Variants in FRMPD4 observed in about 807,000 individuals in gnomAD.
FRMPD4 encodes the protein FERM and PDZ domain containing 4, also known as FERM and PDZ domain-containing protein 4.
In FRMPD4, 22 loss-of-function variants were observed where a neutral mutation model predicts 94.1. The observed-to-expected ratio is 0.23, with a 90% CI of 0.17 to 0.33. FRMPD4 has a LOEUF of 0.33. Ranked by LOEUF, FRMPD4 falls within the 10% of genes least tolerant of loss-of-function variation. FRMPD4 has a pLI of 1.00. For missense variants in FRMPD4, 1,111 were observed against 1,339.9 expected (o/e 0.83, Z 2.67); for synonymous variants, 631 against 548.6 (o/e 1.15, Z -2.10).
chrX:12,660,476 G>A (rs768302642), intron 4 of FRMPD4, among the ~76,000 whole-genome samples: 36 of 111,751 alleles, frequency 3.2e-4, no homozygotes, highest in Middle Eastern at 9.2e-3. Flanking sequence ...TTCAACATAC[G>A]TTTGTATAAG....
chrX:12,062,181 A>G (rs1439927626), intron 3 of FRMPD4, among the ~76,000 whole-genome samples: 1 of 111,960 alleles, frequency 8.9e-6, no homozygotes, highest in East Asian at 2.8e-4. Context: ...ATGCTCATGG[A>G]CTAAACTTTT....
intron 1 of FRMPD4, chrX:12,495,022 G>A (rs757710573): frequency 5.2e-5 from 38 of 731,157 alleles, no homozygotes; most frequent in South Asian, 1.4e-4. Flanking sequence ...GCCTGAGCCC[G>A]GTGGAAATGG....
intron 3 of FRMPD4, among the ~76,000 whole-genome samples, chrX:11,994,732 T>C (rs910210947): frequency 1.8e-5 from 2 of 112,063 alleles, no homozygotes; most frequent in African/African-American, 6.5e-5. Flanking sequence ...TCTAAAATAC[T>C]ATTTCTATCA....
At chrX:12,027,022 G>T (rs1276845447) in intron 3 of FRMPD4, among the ~76,000 whole-genome samples, 1 of 111,773 alleles carries the variant, frequency 8.9e-6, no homozygotes. Flanking sequence ...CTTCATAACT[G>T]GTGATTTTCC....
intron 9 of FRMPD4, among the ~76,000 whole-genome samples, chrX:12,700,596 A>G (rs1430363503): frequency 8.9e-6 from 1 of 112,384 alleles, no homozygotes; most frequent in Non-Finnish European, 1.9e-5. Flanking sequence ...CTACAGATGA[A>G]CAAACTAAGG....
chrX:12,076,406 G>C (rs891871108), intron 3 of FRMPD4, among the ~76,000 whole-genome samples: 3 of 108,605 alleles, frequency 2.8e-5, no homozygotes, highest in Admixed American at 1.0e-4. Flanking sequence ...AGCATATCCT[G>C]ACCTGTTGCC....
intron 3 of FRMPD4, among the ~76,000 whole-genome samples, chrX:12,127,328 C>T (rs995153133): frequency 4.5e-5 from 5 of 111,484 alleles, no homozygotes; most frequent in African/African-American, 1.6e-4. Flanking sequence ...CCTCAGAAAA[C>T]TTATAATCAT....
At chrX:12,355,342 C>A (rs938383951) in intron 1 of FRMPD4, among the ~76,000 whole-genome samples, 1 of 110,928 alleles carries the variant, frequency 9.0e-6, no homozygotes. Flanking sequence ...CTAAGCCTGG[C>A]TAATGTTTTG....
At chrX:12,195,940 A>G (rs180754166) in intron 1 of FRMPD4, among the ~76,000 whole-genome samples, 1 of 111,957 alleles carries the variant, frequency 8.9e-6, no homozygotes, top group African/African-American at 3.2e-5. Context: ...ACCTAAAGGG[A>G]AACCCGATGA....
At chrX:12,025,041 A>G (rs754436256) in intron 3 of FRMPD4, among the ~76,000 whole-genome samples, 2 of 104,534 alleles carry the variant, frequency 1.9e-5, no homozygotes, top group Non-Finnish European at 3.8e-5. Flanking sequence ...ACCATCTTTT[A>G]TTGTACAATT....
At chrX:11,969,537 T>C (rs1030612677) in intron 3 of FRMPD4, among the ~76,000 whole-genome samples, 3 of 112,131 alleles carry the variant, frequency 2.7e-5, no homozygotes, top group African/African-American at 9.7e-5. Flanking sequence ...AAAGCAATTG[T>C]AGGGGGTTGA....
In FRMPD4 at chrX:12,721,286, C is replaced by A. The variant is rs1281422543; in HGVS notation, c.4717C>A (p.Arg1573=). The A allele has an allele frequency of 1.3e-6, 1 of 755,234 alleles. No individual in the cohort carries two copies. The highest frequency in any genetic ancestry group is 1.6e-6 in the Non-Finnish European group (1 of 638,607). The allele number at this position is 755,234 out of a possible 1,213,427, so 62.2% of individuals were successfully genotyped here. Residue 1573 remains arginine (R), a synonymous_variant, in exon 17 of 17, where the codon CGA becomes AGA. Transcript: ENST00000675598. ...SVLKVWAEDL[R]DPDDLDFSNL... is the part of the protein sequence containing the mutation. ...GCTGAAGGTCTGGGCAGAAGACCTG[C>A]GAGACCCAGATGACTTGGACTTCAG... is the stretch of plus-strand genomic sequence containing the variant.
At chrX:12,164,246 T>C (rs1037186929) in intron 1 of FRMPD4, among the ~76,000 whole-genome samples, 1 of 110,692 alleles carries the variant, frequency 9.0e-6, no homozygotes, top group African/African-American at 3.3e-5. Context: ...CCTTCCTGTG[T>C]CCATGTGTTC....
intron 1 of FRMPD4, among the ~76,000 whole-genome samples, chrX:12,204,422 C>T (rs1219369367): frequency 8.9e-6 from 1 of 112,050 alleles, no homozygotes; most frequent in Non-Finnish European, 1.9e-5. Flanking sequence ...CCCTTTGATG[C>T]TGCTGCCTTA....
chrX:12,342,642 T>C (rs1329320529), intron 1 of FRMPD4, among the ~76,000 whole-genome samples: 1 of 111,769 alleles, frequency 8.9e-6, no homozygotes, highest in Non-Finnish European at 1.9e-5. Flanking sequence ...AGAAAGCAAA[T>C]GTTTGTGGAG....
chrX:12,609,976 A>G, intron 3 of FRMPD4, 95 bp downstream of exon 3: 1 of 834,012 alleles, frequency 1.2e-6, no homozygotes, highest in Non-Finnish European at 1.7e-6. Flanking sequence ...CCAGGCTGTG[A>G]AAGCTGGATA....
chrX:12,523,077 T>C (rs2058182370), intron 2 of FRMPD4, among the ~76,000 whole-genome samples: 1 of 112,409 alleles, frequency 8.9e-6, no homozygotes, highest in African/African-American at 3.2e-5. Flanking sequence ...GTTGTTGTTT[T>C]ATTTTTCTTT....
chrX:12,145,146 G>A (rs1207841187), intron 1 of FRMPD4, among the ~76,000 whole-genome samples: 1 of 111,903 alleles, frequency 8.9e-6, no homozygotes, highest in Non-Finnish European at 1.9e-5. Flanking sequence ...TTCAAAGAAA[G>A]CAGTAGGCAA....
chrX:12,322,860 TAAC>T (rs2055227889), intron 1 of FRMPD4, among the ~76,000 whole-genome samples: 1 of 111,645 alleles, frequency 9.0e-6, no homozygotes, highest in Non-Finnish European at 1.9e-5. Flanking sequence ...ATTTCAATAT[TAAC>T]TTTTATTAAT....
Sources: gnomAD v4.1 joint callset for allele counts (sites outside exome capture counted in the v4.1 genomes callset) on GRCh38, gnomAD v4.1.1 for gene constraint, MANE v1.5 for transcripts, NCBI Gene and HGNC (gene_info 2026-07-23, HGNC 2026-07-21) for gene names.